TMEM132D: variants seen among roughly 807,000 people sequenced by gnomAD.
TMEM132D encodes transmembrane protein 132D, also known as mature OL transmembrane protein.
In TMEM132D, 21 loss-of-function variants were observed where a neutral mutation model predicts 62.3. The observed-to-expected ratio is 0.34, with a 90% CI of 0.24 to 0.49. TMEM132D has a LOEUF of 0.49. Among genes scored for constraint, TMEM132D ranks in the 20% least tolerant of loss-of-function variants. The pLI, the probability that TMEM132D is intolerant of heterozygous loss-of-function variation, is 0.99. For missense variants in TMEM132D, 1,346 were observed against 1,402.8 expected (o/e 0.96, Z 0.65); for synonymous variants, 621 against 575.6 (o/e 1.08, Z -1.13).
intron 1 of TMEM132D, among the ~76,000 whole-genome samples, chr12:129,847,386 G>A (rs1873396333): frequency 6.6e-6 from 1 of 152,158 alleles, no homozygotes; most frequent in African/African-American, 2.4e-5. Context: ...AAACAGTGGT[G>A]CAAAACACTG....
At chr12:129,270,824 T>C (rs747945664) in intron 4 of TMEM132D, among the ~76,000 whole-genome samples, 5 of 152,252 alleles carry the variant, frequency 3.3e-5, no homozygotes, top group Non-Finnish European at 5.9e-5. Flanking sequence ...ATTTGGTACA[T>C]GTCAAAATAT....
intron 2 of TMEM132D, among the ~76,000 whole-genome samples, chr12:129,675,271 G>T (rs530493045): frequency 6.6e-6 from 1 of 150,496 alleles, no homozygotes; most frequent in Non-Finnish European, 1.5e-5. Context: ...ACTAACATAG[G>T]AACAGAAAAC....
intron 5 of TMEM132D, among the ~76,000 whole-genome samples, chr12:129,183,249 C>A (rs1282288650): frequency 6.6e-6 from 1 of 152,216 alleles, no homozygotes; most frequent in Non-Finnish European, 1.5e-5. Context: ...GTCTACCATA[C>A]CAGTCAACAC....
At chr12:129,516,889 T>A (rs1875698697) in intron 3 of TMEM132D, among the ~76,000 whole-genome samples, 1 of 152,192 alleles carries the variant, frequency 6.6e-6, no homozygotes, top group African/African-American at 2.4e-5. Flanking sequence ...CTTGCTTTTT[T>A]CAGTTTTAGA....
At chr12:129,805,153 G>T (rs1490229212) in intron 1 of TMEM132D, among the ~76,000 whole-genome samples, 1 of 151,336 alleles carries the variant, frequency 6.6e-6, no homozygotes, top group African/African-American at 2.4e-5. Flanking sequence ...TCCCCATCAA[G>T]CTACCAATGC....
chr12:129,717,557 A>G lies in TMEM132D; in HGVS notation c.80-16859T>C, dbSNP rs1052495382. The stretch of plus-strand genomic sequence containing the variant: ...TATTTTGATAAAATATTTAATAAAT[A>G]TTTCCGTATGGGAAACACAGAATAT... On this transcript the variant is annotated intron_variant, in intron 1 of 8. Coordinates refer to ENST00000422113, the MANE Select transcript of TMEM132D (RefSeq NM_133448.3). 1.2e-3 allele frequency among the ~76,000 whole-genome samples: 173 copies of G among 149,812 alleles called. 2 individuals carry two copies. Among genetic ancestry groups the G allele is most frequent in the African/African-American group, 4.0e-3 (165 of 41,260 alleles).
intron 1 of TMEM132D, among the ~76,000 whole-genome samples, chr12:129,831,228 G>A (rs1485109654): frequency 1.3e-5 from 2 of 152,182 alleles, no homozygotes; most frequent in Non-Finnish European, 2.9e-5. Flanking sequence ...TCCCAAAAGG[G>A]AACTCCAGAC....
chr12:129,548,243 G>A (rs1049687706), intron 2 of TMEM132D, among the ~76,000 whole-genome samples: 12 of 152,162 alleles, frequency 7.9e-5, no homozygotes, highest in African/African-American at 2.2e-4. Flanking sequence ...AGGGGCAGGG[G>A]AGACACCTCC....
intron 2 of TMEM132D, among the ~76,000 whole-genome samples, chr12:129,651,088 A>G (rs1879915744): frequency 6.6e-6 from 1 of 152,104 alleles, no homozygotes; most frequent in Non-Finnish European, 1.5e-5. Context: ...AGCTTTGACT[A>G]GTTGCTGTAT....
At chr12:129,621,547 T>A (rs950676857) in intron 2 of TMEM132D, among the ~76,000 whole-genome samples, 4 of 152,148 alleles carry the variant, frequency 2.6e-5, no homozygotes, top group African/African-American at 9.7e-5. Context: ...CAGTGAATGT[T>A]TGATATTAAC....
chr12:129,700,115 C>G lies in TMEM132D; in HGVS notation c.663G>C (p.Gly221=), dbSNP rs770112781. ...GRRKSVDQPE[G]TPVELYYTVH... ...CGGTGTAGTAGAGCTCCACGGGGGTCCCCTCCGGCTGGTCCACGGACTTCC... is the reference window on the plus strand; with the variant it reads ...CGGTGTAGTAGAGCTCCACGGGGGTGCCCTCCGGCTGGTCCACGGACTTCC... The change falls in exon 2 of 9, where the codon GGG becomes GGC. Residue 221 remains glycine (G), a synonymous_variant. Coordinates refer to ENST00000422113, the MANE Select transcript of TMEM132D (RefSeq NM_133448.3). 10 of 1,613,280 alleles carry G rather than the reference C, an allele frequency of 6.2e-6. No individual in the cohort carries two copies. Among genetic ancestry groups the G allele is most frequent in the Non-Finnish European group, 7.6e-6 (9 of 1,180,024 alleles).
intron 3 of TMEM132D, among the ~76,000 whole-genome samples, chr12:129,391,326 T>G (rs1174285143): frequency 6.6e-6 from 1 of 152,056 alleles, no homozygotes; most frequent in Non-Finnish European, 1.5e-5. Flanking sequence ...CTTCGGGAGA[T>G]GAGGGAAGGC....
intron 2 of TMEM132D, among the ~76,000 whole-genome samples, chr12:129,567,457 G>A (rs1406560706): frequency 1.3e-5 from 2 of 152,094 alleles, no homozygotes; most frequent in Non-Finnish European, 2.9e-5. Flanking sequence ...AAGTATATAT[G>A]CAATAATCTG....
At chr12:129,253,469 C>T (rs1012569399) in intron 4 of TMEM132D, among the ~76,000 whole-genome samples, 5 of 152,140 alleles carry the variant, frequency 3.3e-5, no homozygotes, top group African/African-American at 4.8e-5. Context: ...AATTTCCAGC[C>T]AACCCATAGA....
At chr12:129,447,592 C>A (rs1039245837) in intron 3 of TMEM132D, among the ~76,000 whole-genome samples, 4 of 152,036 alleles carry the variant, frequency 2.6e-5, no homozygotes, top group African/African-American at 7.2e-5. Flanking sequence ...CTTGAGGTAA[C>A]CAGAATGATG....
At chr12:129,614,802 A>G (rs1878871452) in intron 2 of TMEM132D, among the ~76,000 whole-genome samples, 2 of 152,176 alleles carry the variant, frequency 1.3e-5, no homozygotes, top group Non-Finnish European at 2.9e-5. Context: ...CCGGAATCCA[A>G]ATGATATGAG....
intron 2 of TMEM132D, among the ~76,000 whole-genome samples, chr12:129,624,472 T>C (rs1879159710): frequency 6.6e-6 from 1 of 152,188 alleles, no homozygotes; most frequent in Non-Finnish European, 1.5e-5. Flanking sequence ...GGTTAGGAGC[T>C]GTGTGGGACC....
At chr12:129,467,639 T>C (rs1234070753) in intron 3 of TMEM132D, among the ~76,000 whole-genome samples, 1 of 152,184 alleles carries the variant, frequency 6.6e-6, no homozygotes, top group Non-Finnish European at 1.5e-5. Flanking sequence ...AGAGCAGACA[T>C]GCCAAGGTCA....
chr12:129,166,730 T>C (rs144379354), intron 5 of TMEM132D, among the ~76,000 whole-genome samples: 5,400 of 131,090 alleles, frequency 0.041, 269 homozygotes, highest in African/African-American at 0.11. Context: ...CACACACACA[T>C]ATATATATAT....
Sources: gnomAD v4.1 joint callset for allele counts (sites outside exome capture counted in the v4.1 genomes callset) on GRCh38, gnomAD v4.1.1 for gene constraint, MANE v1.5 for transcripts, NCBI Gene and HGNC (gene_info 2026-07-23, HGNC 2026-07-21) for gene names.